ZNF606: variants seen among roughly 807,000 people sequenced by gnomAD.
ZNF606 encodes the protein zinc finger protein 606, also known as zinc finger protein 328.
Under a neutral mutation model 74.9 loss-of-function variants are expected in ZNF606, and 37 were observed. The observed-to-expected ratio is 0.49, with a 90% CI of 0.38 to 0.65. The LOEUF (loss-of-function observed/expected upper bound fraction) is 0.65. Among genes scored for constraint, ZNF606 ranks in the 30% least tolerant of loss-of-function variants. ZNF606 has a pLI of 0.00. For synonymous variants in ZNF606, 328 were observed against 312.4 expected, an observed-to-expected ratio of 1.05 and a Z score of -0.53; for missense variants, 852 against 952.9, an observed-to-expected ratio of 0.89 and a Z score of 1.39.
chr19:58,001,482 C>A, intron 1 of ZNF606, 112 bp from the exon 2 acceptor site: 1 of 755,340 alleles, frequency 1.3e-6, no homozygotes, highest in Non-Finnish European at 2.2e-6. Context: ...TAAGGAGCAT[C>A]GTAAGAAAAG....
intron 6 of ZNF606, among the ~76,000 whole-genome samples, chr19:57,981,662 A>G (rs2123271975): frequency 1.3e-5 from 2 of 152,308 alleles, no homozygotes; most frequent in South Asian, 4.1e-4. Flanking sequence ...GATGTTATCT[A>G]TGACAAAATG....
In ZNF606 at chr19:57,978,507, C is replaced by A; in HGVS notation, c.2173G>T (p.Val725Leu). 1 of 1,613,870 alleles carries A rather than the reference C, an allele frequency of 6.2e-7. No homozygotes were observed. Among genetic ancestry groups the A allele is most frequent in the Non-Finnish European group, 8.5e-7 (1 of 1,179,862 alleles). Reference protein sequence around the residue: ...KAFNESSSLIVHLRNHTGEKP... With the variant: ...KAFNESSSLILHLRNHTGEKP... The stretch of plus-strand genomic sequence containing the variant: ...TCTCCAGTATGGTTTCTTAGGTGTA[C>A]AATAAGGGATGAACTCTCATTAAAT... The change falls in exon 7 of 7, where the codon GTA becomes TTA. Residue 725 changes from valine (V) to leucine (L), a missense_variant. Coordinates refer to ENST00000551380, the MANE Select transcript of ZNF606 (RefSeq NM_001348022.3). The surrounding 1 kb of genome is among the most constrained non-coding windows in gnomAD (Gnocchi z 4.4).
In ZNF606 at chr19:57,978,343, T is replaced by C. The variant is rs149658738; in HGVS notation, c.2337A>G (p.Leu779=). 496 of 1,591,060 alleles carry C rather than the reference T, an allele frequency of 3.1e-4. No homozygotes were observed. The highest frequency in any genetic ancestry group is 4.1e-4 in the Non-Finnish European group (482 of 1,166,162). The change falls in exon 7 of 7, where the codon CTA becomes CTG. Residue 779 remains leucine (L), a synonymous_variant. Transcript: ENST00000551380. This position sits in a 1 kb window ranked among gnomAD's most constrained non-coding sequence, Gnocchi z 4.4. ...CACTGTGATTTCTCTGGTGTTGAAG[T>C]AGGGCTGAGTGACCACTAAAGGCTT... ...CGKAFSGHSA[L]LQHQRNHSEE...
chr19:57,982,472 T>C (rs1025181101), intron 6 of ZNF606, among the ~76,000 whole-genome samples: 2 of 152,202 alleles, frequency 1.3e-5, no homozygotes, highest in African/African-American at 2.4e-5. Context: ...TCACAAATTC[T>C]GGAGATTAGG....
intron 3 of ZNF606, chr19:58,000,221 T>G (rs2073399095): frequency 9.4e-6 from 4 of 427,096 alleles, no homozygotes; most frequent in African/African-American, 4.4e-5. Context: ...TACTGCTCAC[T>G]GGTTTTCTTT....
intron 6 of ZNF606, among the ~76,000 whole-genome samples, chr19:57,986,905 G>C (rs1425507532): frequency 6.6e-6 from 1 of 152,082 alleles, no homozygotes; most frequent in Non-Finnish European, 1.5e-5. Context: ...GCAATATAGT[G>C]AGACCTTGTC....
At chr19:57,992,884 C>G (rs568833587) in intron 4 of ZNF606, among the ~76,000 whole-genome samples, 1 of 152,130 alleles carries the variant, frequency 6.6e-6, no homozygotes, top group Non-Finnish European at 1.5e-5. Context: ...AATAACACCC[C>G]CCAAAGGATG....
chr19:57,983,585 A>C (rs1403980123), intron 6 of ZNF606, among the ~76,000 whole-genome samples: 1 of 152,098 alleles, frequency 6.6e-6, no homozygotes, highest in Non-Finnish European at 1.5e-5. Flanking sequence ...TCTCAAAAAA[A>C]AAAAAAGAAA....
chr19:57,996,845 AAC>A (rs1329764701), intron 4 of ZNF606, among the ~76,000 whole-genome samples: 1 of 152,196 alleles, frequency 6.6e-6, no homozygotes, highest in East Asian at 1.9e-4. Context: ...AATTCTCATA[AAC>A]ATTCTTGCAC....
intron 4 of ZNF606, among the ~76,000 whole-genome samples, chr19:57,996,949 T>C (rs573756282): frequency 3.3e-5 from 5 of 152,326 alleles, no homozygotes; most frequent in Admixed American, 2.0e-4. Flanking sequence ...TTTAAACCCT[T>C]TGAGAGTCTG....
At chr19:57,989,237 G>A (rs2073213799) in intron 4 of ZNF606, among the ~76,000 whole-genome samples, 1 of 152,254 alleles carries the variant, frequency 6.6e-6, no homozygotes, top group African/African-American at 2.4e-5. Context: ...AAGGACTGAA[G>A]CTAAGGGTGA....
chr19:57,980,977 G>C lies in ZNF606; in HGVS notation c.401-698C>G, dbSNP rs79445334. 6.4e-3 allele frequency among the ~76,000 whole-genome samples: 978 copies of C among 152,278 alleles called. 4 individuals carry two copies. The highest frequency in any genetic ancestry group is 0.01 in the Non-Finnish European group (698 of 68,020). ...GATCTTGGAATGTTCTAACTAGTAA[G>C]AGTGTTTTGCATGCTCAAGGTATTG... On this transcript the variant is annotated intron_variant, in intron 6 of 6. Transcript: ENST00000551380.
At chr19:57,990,734 C>T (rs1034837986) in intron 4 of ZNF606, among the ~76,000 whole-genome samples, 3 of 152,030 alleles carry the variant, frequency 2.0e-5, no homozygotes, top group African/African-American at 7.2e-5. Context: ...TTTGCTGTCT[C>T]TGATCTGGGC....
intron 4 of ZNF606, among the ~76,000 whole-genome samples, chr19:57,993,714 G>A (rs193297107): frequency 9.6e-4 from 147 of 152,348 alleles, no homozygotes; most frequent in Non-Finnish European, 1.7e-3. Flanking sequence ...GGCTGCCCAG[G>A]TGAGTGGAGA....
In ZNF606 at chr19:57,977,944, A is replaced by G. The variant is rs1600212095; in HGVS notation, c.*357T>C. 5.8e-6 allele frequency: 1 copy of G among 171,300 alleles called. No homozygotes were observed. The highest frequency in any genetic ancestry group is 1.8e-4 in the South Asian group (1 of 5,474). 10.6% of individuals were successfully genotyped at this position (171,300 alleles called of 1,614,324 possible). A position where few individuals can be genotyped will look rare whatever the true frequency, so the allele number is the denominator to read the frequency against. ...TTTCCAGTCAAAAACTTTTCTCTGC[A>G]TAAGGTTTTTCCCTTAGCAATTCAC... On this transcript the variant is annotated 3_prime_UTR_variant, in exon 7 of 7. Transcript: ENST00000551380.
chr19:57,988,643 G>C lies in ZNF606; in HGVS notation c.256C>G (p.Leu86Val). 6.2e-7 allele frequency: 1 copy of C among 1,614,148 alleles called. No homozygotes were observed. Among genetic ancestry groups the C allele is most frequent in the East Asian group, 2.2e-5 (1 of 44,864 alleles). ...GTCTCCAGCATCACATCACGGTACAGGGTCCTCTGAACAAGGTCCAGCTGC... is the reference window on the plus strand; with the variant it reads ...GTCTCCAGCATCACATCACGGTACACGGTCCTCTGAACAAGGTCCAGCTGC... The part of the protein sequence containing the change: ...WGQLDLVQRT[L>V]YRDVMLETYG... Residue 86 changes from leucine to valine, a missense_variant, in exon 5 of 7, where the codon CTG becomes GTG. Transcript: ENST00000551380.
chr19:58,003,008 C>T (rs2073469111), upstream of ZNF606: 1 of 446,830 alleles, frequency 2.2e-6, no homozygotes, highest in African/African-American at 2.0e-5. Flanking sequence ...TCCCAGACCA[C>T]CCTCCTCCAC....
chr19:57,978,847 G>A lies in ZNF606; in HGVS notation c.1833C>T (p.Leu611=), dbSNP rs1233319156. 1.2e-6 allele frequency: 2 copies of A among 1,614,112 alleles called. No individual in the cohort carries two copies. Among genetic ancestry groups the A allele is most frequent in the East Asian group, 2.2e-5 (1 of 44,866 alleles). ...CGKAFRERSA[L]TKHEIIHSGI... ...CAGAATGAATTATCTCATGTTTAGT[G>A]AGGGCTGAGCGTTCTCTGAATGCTT... is the stretch of plus-strand genomic sequence containing the variant. Residue 611 remains leucine, a synonymous_variant, in exon 7 of 7, where the codon CTC becomes CTT. Transcript: ENST00000551380. The surrounding 1 kb of genome is among the most constrained non-coding windows in gnomAD (Gnocchi z 4.4).
chr19:58,002,884 C>T (rs1242290719), upstream of ZNF606: 2 of 431,462 alleles, frequency 4.6e-6, no homozygotes, highest in Non-Finnish European at 9.3e-6. Context: ...CGTCGGGCAG[C>T]GGCGCCGCCA....
Sources: allele counts gnomAD v4.1 joint callset (sites outside exome capture counted in the v4.1 genomes callset), GRCh38; gene constraint gnomAD v4.1.1; non-coding constraint Gnocchi (gnomAD v3.1); transcripts MANE v1.5; gene names NCBI Gene and HGNC (gene_info 2026-07-23, HGNC 2026-07-21).